The following HRK variants were observed in gnomAD, a reference collection of about 807,000 sequenced individuals.
HRK encodes harakiri, BCL2 interacting protein, also known as activator of apoptosis harakiri.
HRK carries 6 observed loss-of-function variants against 5.9 expected under a neutral mutation model. The observed-to-expected ratio is 1.02, with a 90% CI of 0.56 to 2.01. The LOEUF is 2.01. Ranked by LOEUF, HRK falls within the 30% of genes most tolerant of loss-of-function variation. The pLI is 0.00. For missense variants in HRK, 133 were observed against 128.3 expected (o/e 1.04, Z -0.18); for synonymous variants, 85 against 65.1 (o/e 1.31, Z -1.47).
chr12:116,864,326 C>G (rs1264379262), intron 1 of HRK, among the ~76,000 whole-genome samples: 1 of 152,166 alleles, frequency 6.6e-6, no homozygotes. Flanking sequence ...GGACATCGTG[C>G]TAAGCATGGT....
chr12:116,881,384 G>A lies in HRK; in HGVS notation c.-77C>T. 2 of 1,022,506 alleles carry A rather than the reference G, an allele frequency of 2.0e-6. No homozygotes were observed. Among genetic ancestry groups the A allele is most frequent in the Non-Finnish European group, 2.3e-6 (2 of 854,958 alleles). The allele number at this position is 1,022,506 out of a possible 1,614,324, so 63.3% of individuals were successfully genotyped here. On this transcript the variant is annotated 5_prime_UTR_variant, in exon 1 of 2. Transcript: ENST00000257572. ...CCCTCCGGCCTCTGCGCCCGCTGCC[G>A]CCGCGCTCCAGCCGCCGGGGGCCTC...
In HRK at chr12:116,881,004, T is replaced by C; in HGVS notation, c.*28A>G. On this transcript the variant is annotated 3_prime_UTR_variant, in exon 1 of 2. Coordinates refer to ENST00000257572, the MANE Select transcript of HRK (RefSeq NM_003806.4). ...TTGCTCGCTCCGGCTGGGTCTCGGC[T>C]CCGGCCCCACCAAGAAGCCCCGCGT... The C allele has an allele frequency of 1.5e-6, 2 of 1,309,786 alleles. No homozygotes were observed. The highest frequency in any genetic ancestry group is 3.1e-5 in the East Asian group (1 of 31,820). 81.1% of individuals were successfully genotyped at this position (1,309,786 alleles called of 1,614,324 possible). A position where few individuals can be genotyped will look rare whatever the true frequency, so the allele number is the denominator to read the frequency against.
At position 116,861,225 on chromosome 12, in the gene HRK, T is replaced by C. The variant is rs1034434489; in HGVS notation, c.*298A>G. On this transcript the variant is annotated 3_prime_UTR_variant, in exon 2 of 2. Transcript: ENST00000257572. ...CAACAAGGCATGCACTGATACGTAA[T>C]ATTCATATTTTCTTTTTTTATATAT... The C allele has an allele frequency of 1.3e-5, 2 of 152,168 alleles. No individual in the cohort carries two copies. The highest frequency in any genetic ancestry group is 1.3e-4 in the Admixed American group (2 of 15,284). The allele number at this position is 152,168 out of a possible 1,614,324, so 9.4% of individuals were successfully genotyped here.
At chr12:116,868,545 A>C (rs1878629881) in intron 1 of HRK, among the ~76,000 whole-genome samples, 1 of 152,224 alleles carries the variant, frequency 6.6e-6, no homozygotes, top group Non-Finnish European at 1.5e-5. Context: ...AGATCTTTTG[A>C]GAATTGGATC....
chr12:116,864,736 G>C (rs771365497), intron 1 of HRK, among the ~76,000 whole-genome samples: 3 of 152,126 alleles, frequency 2.0e-5, no homozygotes, highest in Non-Finnish European at 4.4e-5. Flanking sequence ...GAGGAGAGAG[G>C]ATTGCATAAG....
chr12:116,865,015 T>C (rs1878488393), intron 1 of HRK, among the ~76,000 whole-genome samples: 1 of 152,110 alleles, frequency 6.6e-6, no homozygotes, highest in African/African-American at 2.4e-5. Flanking sequence ...GTTTCCATTT[T>C]TCATCCACCG....
At chr12:116,870,072 T>A (rs1298906899) in intron 1 of HRK, among the ~76,000 whole-genome samples, 2 of 151,042 alleles carry the variant, frequency 1.3e-5, no homozygotes, top group Non-Finnish European at 2.9e-5. Context: ...AGAGTGAGAC[T>A]CCATCTAAAA....
chr12:116,873,886 T>A (rs983801342), intron 1 of HRK, among the ~76,000 whole-genome samples: 1 of 152,202 alleles, frequency 6.6e-6, no homozygotes, highest in East Asian at 1.9e-4. Context: ...CTTATTGATG[T>A]GGGCTAAATC....
chr12:116,876,219 G>A (rs970113435), intron 1 of HRK, among the ~76,000 whole-genome samples: 1 of 152,222 alleles, frequency 6.6e-6, no homozygotes, highest in African/African-American at 2.4e-5. Context: ...CAGGAAGGCT[G>A]CCTGGTTCTG....
rs1878307667 is a variant in HRK, at chr12:116,860,179, C to G, written c.*1344G>C. On this transcript the variant is annotated 3_prime_UTR_variant, in exon 2 of 2. Coordinates refer to ENST00000257572, the MANE Select transcript of HRK (RefSeq NM_003806.4). ...GGTATCCTGCACAGAGGAAGAATAC[C>G]TGCTTATGTTGGATTTTTCGAAAAT... 2 of 152,198 alleles carry G rather than the reference C, an allele frequency of 1.3e-5. No homozygotes were observed. Among genetic ancestry groups the G allele is most frequent in the Non-Finnish European group, 2.9e-5 (2 of 68,048 alleles). The allele number at this position is 152,198 out of a possible 1,614,324, so 9.4% of individuals were successfully genotyped here. A position where few individuals can be genotyped will look rare whatever the true frequency, so the allele number is the denominator to read the frequency against.
chr12:116,880,731 A>C (rs965459989), intron 1 of HRK, among the ~76,000 whole-genome samples: 4 of 152,132 alleles, frequency 2.6e-5, no homozygotes, highest in African/African-American at 9.7e-5. Context: ...GCTATAAGTG[A>C]GTAGCAAGAT....
At chr12:116,863,085 C>T (rs754218384) in intron 1 of HRK, among the ~76,000 whole-genome samples, 3 of 152,124 alleles carry the variant, frequency 2.0e-5, no homozygotes, top group Admixed American at 6.6e-5. Flanking sequence ...GAGATAAGAA[C>T]GTATCACCCG....
chr12:116,881,437 T>C lies in HRK; in HGVS notation c.-130A>G. On this transcript the variant is annotated 5_prime_UTR_variant, in exon 1 of 2. Transcript: ENST00000257572. Reference sequence around the variant, plus strand: ...CTGGACACCAAGTTTCTCCTTGTGTTGTGCGTTTGTTGTGCTGACGGCGCT... The same window carrying C: ...CTGGACACCAAGTTTCTCCTTGTGTCGTGCGTTTGTTGTGCTGACGGCGCT... 5.0e-6 allele frequency: 4 copies of C among 804,752 alleles called. No individual in the cohort carries two copies. The highest frequency in any genetic ancestry group is 6.0e-6 in the Non-Finnish European group (4 of 663,312). 49.9% of individuals were successfully genotyped at this position (804,752 alleles called of 1,614,324 possible).
Position 116,879,836 on chromosome 12 carries a change from CGGCGGGGCTCGGG to C in HRK, c.*56+1127_*56+1139del, listed in dbSNP as rs1008628780. Among the ~76,000 whole-genome samples, 7 of 152,312 alleles carry C rather than the reference CGGCGGGGCTCGGG, an allele frequency of 4.6e-5. 1 individual carries two copies. Among genetic ancestry groups the C allele is most frequent in the Admixed American group, 3.3e-4 (5 of 15,308 alleles). ...AACTTCCCAGGGTGTCTGCGGCGCG[CGGCGGGGCTCGGG>C]GGCGGGGACCTAAGGGCGGCTGGCT... On this transcript the variant is annotated intron_variant, in intron 1 of 1. Transcript: ENST00000257572. This position sits in a 1 kb window ranked among gnomAD's most constrained non-coding sequence, Gnocchi z 5.6.
At chr12:116,865,170 G>T (rs1878496526) in intron 1 of HRK, among the ~76,000 whole-genome samples, 1 of 152,100 alleles carries the variant, frequency 6.6e-6, no homozygotes, top group Admixed American at 6.6e-5. Flanking sequence ...TGGGGCAAGA[G>T]GCTTATTCCC....
In HRK at chr12:116,858,461, A is replaced by T. The variant is rs1317580647; in HGVS notation, c.*3062T>A. On this transcript the variant is annotated 3_prime_UTR_variant, in exon 2 of 2. Coordinates refer to ENST00000257572, the MANE Select transcript of HRK (RefSeq NM_003806.4). The stretch of plus-strand genomic sequence containing the variant: ...CAGTCCCAGCGGTTCCTGGCTCCCC[A>T]CTCTCTGAGAGCAAGCAGCACCATC... The T allele has an allele frequency of 2.0e-5, 3 of 151,340 alleles. No individual in the cohort carries two copies. Among genetic ancestry groups the T allele is most frequent in the Non-Finnish European group, 2.9e-5 (2 of 67,958 alleles). The allele number at this position is 151,340 out of a possible 1,614,324, so 9.4% of individuals were successfully genotyped here.
In HRK at chr12:116,878,714, G is replaced by C. The variant is rs929735393; in HGVS notation, c.*56+2262C>G. Among the ~76,000 whole-genome samples, 2 of 152,184 alleles carry C rather than the reference G, an allele frequency of 1.3e-5. No individual in the cohort carries two copies. The highest frequency in any genetic ancestry group is 4.8e-5 in the African/African-American group (2 of 41,456). ...GCATCCTGAGGTCAGGGCGCCAGAGGCTGCAGAACCCTGGAGGGTGTGGCT... is the reference window on the plus strand; with the variant it reads ...GCATCCTGAGGTCAGGGCGCCAGAGCCTGCAGAACCCTGGAGGGTGTGGCT... On this transcript the variant is annotated intron_variant, in intron 1 of 1. Coordinates refer to ENST00000257572, the MANE Select transcript of HRK (RefSeq NM_003806.4). This position sits in a 1 kb window ranked among gnomAD's most constrained non-coding sequence, Gnocchi z 4.4.
intron 1 of HRK, among the ~76,000 whole-genome samples, chr12:116,876,364 C>T (rs968475835): frequency 2.0e-5 from 3 of 152,248 alleles, no homozygotes; most frequent in Admixed American, 6.5e-5. Context: ...GGGAGGCCTG[C>T]GGGATGCGCC....
intron 1 of HRK, among the ~76,000 whole-genome samples, chr12:116,865,262 C>T (rs1229677242): frequency 6.6e-6 from 1 of 152,166 alleles, no homozygotes; most frequent in Non-Finnish European, 1.5e-5. Flanking sequence ...AAAACCTTGG[C>T]CGGGTGTGGT....
Sources: allele counts gnomAD v4.1 joint callset (sites outside exome capture counted in the v4.1 genomes callset), GRCh38; gene constraint gnomAD v4.1.1; non-coding constraint Gnocchi (gnomAD v3.1); transcripts MANE v1.5; gene names NCBI Gene and HGNC (gene_info 2026-07-23, HGNC 2026-07-21).